The following SIK3 variants were observed in gnomAD, a reference collection of about 807,000 sequenced individuals.
SIK3 encodes the protein serine/threonine-protein kinase SIK3.
SIK3 carries 28 observed loss-of-function variants against 144.2 expected under a neutral mutation model. The observed-to-expected ratio is 0.19, with a 90% CI of 0.14 to 0.27. The LOEUF (loss-of-function observed/expected upper bound fraction) is 0.27. Ranked by LOEUF, SIK3 falls within the 10% of genes least tolerant of loss-of-function variation. The pLI is 1.00. For synonymous variants in SIK3, 686 were observed against 676.3 expected (o/e 1.01, Z -0.22); for missense variants, 1,319 against 1,776.0 (o/e 0.74, Z 4.62).
intron 4 of SIK3, among the ~76,000 whole-genome samples, chr11:116,906,247 A>G (rs1946023898): frequency 6.6e-6 from 1 of 152,242 alleles, no homozygotes; most frequent in Non-Finnish European, 1.5e-5. Context: ...TTGATAACAA[A>G]CAGAATATAT....
chr11:116,897,088 G>T (rs996086392), intron 5 of SIK3, 105 bp downstream of exon 5: 2 of 1,175,714 alleles, frequency 1.7e-6, no homozygotes, highest in Non-Finnish European at 2.3e-6. Context: ...AGGTGACCAG[G>T]ATCTCAATTC....
intron 1 of SIK3, among the ~76,000 whole-genome samples, chr11:117,050,286 T>TCACACACA (rs559417764): frequency 2.7e-5 from 4 of 149,398 alleles, no homozygotes; most frequent in South Asian, 4.2e-4. Context: ...CAAGACTCCA[T>TCACACACA]CACACACACA....
chr11:117,001,393 C>A (rs535690080), intron 1 of SIK3, among the ~76,000 whole-genome samples: 19 of 152,074 alleles, frequency 1.2e-4, no homozygotes, highest in Non-Finnish European at 2.2e-4. Context: ...ATATTCCCAG[C>A]TACTTGGGAG....
At chr11:116,884,124 C>T (rs1050051691) in intron 6 of SIK3, among the ~76,000 whole-genome samples, 10 of 152,028 alleles carry the variant, frequency 6.6e-5, no homozygotes, top group African/African-American at 9.7e-5. Flanking sequence ...TGCTTTTATT[C>T]TATACATTAA....
At chr11:117,015,810 C>A (rs1221633706) in intron 1 of SIK3, 1 of 152,060 alleles carries the variant, frequency 6.6e-6, no homozygotes, top group Non-Finnish European at 1.5e-5. Context: ...CTCAGGTGAT[C>A]CGCCCACCTC....
At chr11:116,860,257 A>ACCTGT (rs1943245779) in intron 19 of SIK3, among the ~76,000 whole-genome samples, 1 of 151,940 alleles carries the variant, frequency 6.6e-6, no homozygotes, top group African/African-American at 2.4e-5. Context: ...AAAAAAAAAA[A>ACCTGT]CAGACTCTAA....
intron 1 of SIK3, among the ~76,000 whole-genome samples, chr11:117,010,739 A>C (rs1387684219): frequency 6.6e-6 from 1 of 152,216 alleles, no homozygotes; most frequent in Non-Finnish European, 1.5e-5. Flanking sequence ...CAGTCCACCA[A>C]AAAATAATTT....
intron 1 of SIK3, among the ~76,000 whole-genome samples, chr11:116,989,196 CT>C (rs893521784): frequency 7.1e-4 from 106 of 149,358 alleles, no homozygotes; most frequent in African/African-American, 2.4e-3. Flanking sequence ...TTTCCTTCCA[CT>C]TTTTTTTTTC....
chr11:116,923,143 T>C (rs1322283682), intron 4 of SIK3, among the ~76,000 whole-genome samples: 1 of 152,162 alleles, frequency 6.6e-6, no homozygotes, highest in African/African-American at 2.4e-5. Context: ...CTCAAACTCC[T>C]GACCTCAGGT....
At chr11:116,894,811 C>T (rs552381078) in intron 6 of SIK3, among the ~76,000 whole-genome samples, 10 of 152,330 alleles carry the variant, frequency 6.6e-5, no homozygotes, top group Middle Eastern at 3.4e-3. Flanking sequence ...TCCATCTCGA[C>T]ACCCCAGACT....
chr11:116,876,053 G>A (rs1944236442), intron 8 of SIK3, 44 bp from the exon 9 acceptor site: 1 of 1,608,948 alleles, frequency 6.2e-7, no homozygotes, highest in African/African-American at 1.3e-5. Context: ...CTGGTGAAAT[G>A]GCATGTTGAT....
chr11:116,889,552 G>A (rs1004216612), intron 6 of SIK3, among the ~76,000 whole-genome samples: 1 of 152,138 alleles, frequency 6.6e-6, no homozygotes, highest in African/African-American at 2.4e-5. Context: ...AGGTGACAGA[G>A]CAAGACCCTG....
intron 1 of SIK3, among the ~76,000 whole-genome samples, chr11:117,070,841 C>G (rs576453109): frequency 6.7e-4 from 101 of 150,890 alleles, no homozygotes; most frequent in African/African-American, 2.4e-3. Flanking sequence ...CAACCTCCGC[C>G]TCCCGGGTTC....
At chr11:116,969,252 C>T (rs554090641) in intron 1 of SIK3, among the ~76,000 whole-genome samples, 392 of 144,274 alleles carry the variant, frequency 2.7e-3, no homozygotes, top group African/African-American at 6.6e-3. Context: ...ATGGCACCAC[C>T]GCACTCCAGC....
intron 15 of SIK3, among the ~76,000 whole-genome samples, chr11:116,866,251 G>A (rs947458388): frequency 3.9e-5 from 6 of 152,178 alleles, no homozygotes; most frequent in Admixed American, 6.5e-5. Context: ...AAGGACTTCA[G>A]CTAAACAACA....
At chr11:117,077,796 G>A (rs1428714226) in intron 1 of SIK3, among the ~76,000 whole-genome samples, 6 of 152,158 alleles carry the variant, frequency 3.9e-5, no homozygotes, top group Non-Finnish European at 8.8e-5. Flanking sequence ...ACCCCTGTAA[G>A]TCAACTATTC....
intron 1 of SIK3, among the ~76,000 whole-genome samples, chr11:117,069,214 T>C (rs1168300685): frequency 6.6e-6 from 1 of 151,424 alleles, no homozygotes; most frequent in South Asian, 2.1e-4. Context: ...GTTGTTATTT[T>C]ATGGAAATTT....
chr11:117,094,735 C>A (rs555512190), intron 1 of SIK3, among the ~76,000 whole-genome samples: 1 of 151,738 alleles, frequency 6.6e-6, no homozygotes, highest in Non-Finnish European at 1.5e-5. Context: ...AGAAAACATT[C>A]TTTTTTAAAA....
intron 1 of SIK3, among the ~76,000 whole-genome samples, chr11:116,985,982 C>G (rs12274771): frequency 0.072 from 11,033 of 152,204 alleles, 494 homozygotes; most frequent in Middle Eastern, 0.11. Context: ...ACAACCAGAT[C>G]TGGGTTTCTA....
Sources: allele counts gnomAD v4.1 joint callset (sites outside exome capture counted in the v4.1 genomes callset), GRCh38; gene constraint gnomAD v4.1.1; transcripts MANE v1.5; gene names NCBI Gene and HGNC (gene_info 2026-07-23, HGNC 2026-07-21).